The following ADAMTS7 variants were observed in gnomAD, a reference collection of about 807,000 sequenced individuals.
ADAMTS7 encodes ADAM metallopeptidase with thrombospondin type 1 motif 7.
Under a neutral mutation model 172.6 loss-of-function variants are expected in ADAMTS7, and 89 were observed. That is an observed-to-expected ratio of 0.52 (90% CI 0.43 to 0.61). The LOEUF (loss-of-function observed/expected upper bound fraction) is 0.61, where lower values mean the gene tolerates loss of function less well. Among genes scored for constraint, ADAMTS7 ranks in the 20% least tolerant of loss-of-function variants. ADAMTS7 has a pLI of 0.00. For synonymous variants in ADAMTS7, 885 were observed against 978.4 expected, an observed-to-expected ratio of 0.90 and a Z score of 1.78; for missense variants, 1,973 against 2,355.6, an observed-to-expected ratio of 0.84 and a Z score of 3.36.
At chr15:78,805,986 G>A (rs2055782250) in intron 1 of ADAMTS7, among the ~76,000 whole-genome samples, 1 of 151,368 alleles carries the variant, frequency 6.6e-6, no homozygotes. Context: ...AGGCTGAGGT[G>A]GGAGGATTAC....
chr15:78,763,952 T>G lies in ADAMTS7; in HGVS notation c.4567A>C (p.Ser1523Arg). The G allele has an allele frequency of 6.5e-7, 1 of 1,547,260 alleles. No individual in the cohort carries two copies. ...TCCCTCCAGGAAGATGTGTACCAGC[T>G]GAGGCAGGGCTGGGCCCCGCAGGGC... ...HRPCGAQPCL[S>R]WYTSSWRECS... Residue 1523 changes from serine to arginine, a missense_variant, in exon 21 of 24, where the codon AGC becomes CGC. This residue lies in a region of ADAMTS7 where 218 missense variants were observed against 216.9 expected (regional missense o/e 1.01). Transcript: ENST00000388820.
intron 14 of ADAMTS7, among the ~76,000 whole-genome samples, chr15:78,772,039 T>C (rs1034919630): frequency 3.3e-5 from 5 of 151,856 alleles, no homozygotes; most frequent in Admixed American, 1.3e-4. Context: ...GCCCCATCAC[T>C]CCTCTCTTGG....
intron 10 of ADAMTS7, 61 bp downstream of exon 10, chr15:78,776,688 G>A: frequency 6.8e-7 from 1 of 1,470,962 alleles, no homozygotes; most frequent in South Asian, 1.2e-5. Context: ...CCCAGGGCCT[G>A]GTCACAGCAG....
intron 3 of ADAMTS7, among the ~76,000 whole-genome samples, chr15:78,797,478 G>A (rs1455619112): frequency 6.6e-6 from 1 of 152,236 alleles, no homozygotes; most frequent in Non-Finnish European, 1.5e-5. Context: ...CTGCTGCTCT[G>A]CAGAGGAGGC....
intron 4 of ADAMTS7, among the ~76,000 whole-genome samples, chr15:78,793,414 C>T (rs1327671027): frequency 6.6e-6 from 1 of 151,514 alleles, no homozygotes; most frequent in Non-Finnish European, 1.5e-5. Flanking sequence ...AGTGCAGTTG[C>T]ATGATCTCGG....
At position 78,796,762 on chromosome 15, in the gene ADAMTS7, C is replaced by T. The variant is rs756623046; in HGVS notation, c.647G>A (p.Arg216Gln). 1.1e-5 allele frequency: 17 copies of T among 1,611,354 alleles called. No homozygotes were observed. The highest frequency in any genetic ancestry group is 6.7e-5 in the African/African-American group (5 of 74,946). Residue 216 changes from arginine (R) to glutamine (Q), a missense_variant, in exon 4 of 24, where the codon CGG becomes CAG. Transcript: ENST00000388820. ...VQVYPELESR[R>Q]ERWEQRQQWR... Reference sequence around the variant, plus strand: ...CTGCTGCCGCTGCTCCCAACGCTCCCGTCGAGACTCCAGCTCTGGGTACAC... The same window carrying T: ...CTGCTGCCGCTGCTCCCAACGCTCCTGTCGAGACTCCAGCTCTGGGTACAC...
At chr15:78,779,450 C>T (rs866550405) in intron 8 of ADAMTS7, among the ~76,000 whole-genome samples, 3 of 152,182 alleles carry the variant, frequency 2.0e-5, no homozygotes, top group South Asian at 2.1e-4. Flanking sequence ...TGTCTACTCA[C>T]TGGGCTACCC....
rs1179009970 is a variant in ADAMTS7, at chr15:78,766,246, T to A, written c.3665A>T (p.Glu1222Val). 1 of 1,611,724 alleles carries A rather than the reference T, an allele frequency of 6.2e-7. No homozygotes were observed. Among genetic ancestry groups the A allele is most frequent in the Non-Finnish European group, 8.5e-7 (1 of 1,179,762 alleles). ...GGGTGCTCCTCGGCCCTTGGGTTCC[T>A]CATCATCCTTGAAAACCTCATTGGT... ...DRTNEVFKDDEEPKGRGAPHL... is the reference protein window; with the variant it reads ...DRTNEVFKDDVEPKGRGAPHL... Residue 1222 changes from glutamate to valine, a missense_variant, in exon 19 of 24, where the codon GAG becomes GTG. Glu to Val is a moderately radical substitution (Grantham distance 121). Coordinates refer to ENST00000388820, the MANE Select transcript of ADAMTS7 (RefSeq NM_014272.5).
chr15:78,767,650 A>C, intron 17 of ADAMTS7, 58 bp from the exon 18 acceptor site: 8 of 1,457,924 alleles, frequency 5.5e-6, no homozygotes, highest in South Asian at 1.4e-5. Flanking sequence ...CTGCAGGCTC[A>C]CCAGCAGGGG....
chr15:78,777,913 A>T (rs549955283), intron 8 of ADAMTS7, among the ~76,000 whole-genome samples: 110 of 152,076 alleles, frequency 7.2e-4, no homozygotes, highest in Non-Finnish European at 1.3e-3. Context: ...CTGCTCTCCG[A>T]CCCTGCAGCC....
At chr15:78,760,364 C>T (rs1218367626) in intron 23 of ADAMTS7, among the ~76,000 whole-genome samples, 23 of 152,256 alleles carry the variant, frequency 1.5e-4, no homozygotes, top group Middle Eastern at 6.8e-3. Context: ...AGCTGCCACC[C>T]GGGCCCTGCT....
In ADAMTS7 at chr15:78,764,076, A is replaced by T; in HGVS notation, c.4443T>A (p.Gly1481=). 6.5e-7 allele frequency: 1 copy of T among 1,528,068 alleles called. No homozygotes were observed. 94.7% of individuals were successfully genotyped at this position (1,528,068 alleles called of 1,614,324 possible). A position where few individuals can be genotyped will look rare whatever the true frequency, so the allele number is the denominator to read the frequency against. Reference sequence around the variant, plus strand: ...CACACTGCACGTCCCGCACTGAGGAACCTCCGCCGCAGCTGCGGGAGCACT... The same window carrying T: ...CACACTGCACGTCCCGCACTGAGGATCCTCCGCCGCAGCTGCGGGAGCACT... ...WSKCSRSCGG[G]SSVRDVQCVD... is the part of the protein sequence containing the mutation. The change falls in exon 21 of 24, where the codon GGT becomes GGA. Residue 1481 remains glycine, a synonymous_variant. Coordinates refer to ENST00000388820, the MANE Select transcript of ADAMTS7 (RefSeq NM_014272.5).
At chr15:78,786,322 C>T (rs1029273510) in intron 8 of ADAMTS7, among the ~76,000 whole-genome samples, 2 of 152,144 alleles carry the variant, frequency 1.3e-5, no homozygotes, top group African/African-American at 4.8e-5. Context: ...TCCTTGCTGC[C>T]CCATTTGCAT....
chr15:78,787,500 C>G (rs376439445), intron 8 of ADAMTS7, among the ~76,000 whole-genome samples: 5 of 152,186 alleles, frequency 3.3e-5, no homozygotes, highest in African/African-American at 1.2e-4. Flanking sequence ...CTCGTCTCTA[C>G]TAAAAATACA....
At chr15:78,806,086 C>CA (rs2055784335) in intron 1 of ADAMTS7, among the ~76,000 whole-genome samples, 1 of 100,484 alleles carries the variant, frequency 1.0e-5, no homozygotes, top group Non-Finnish European at 1.9e-5. Flanking sequence ...ACTCCCCCCC[C>CA]CAAAAACACA....
At chr15:78,769,871 C>A (rs1339481543) in intron 16 of ADAMTS7, among the ~76,000 whole-genome samples, 1 of 152,198 alleles carries the variant, frequency 6.6e-6, no homozygotes. Flanking sequence ...ATTAAAGACA[C>A]CTGTATTAGG....
At chr15:78,797,900 G>T in intron 3 of ADAMTS7, 48 bp downstream of exon 3, 1 of 1,563,750 alleles carries the variant, frequency 6.4e-7, no homozygotes. Flanking sequence ...GCCCCTTCAT[G>T]TCCCCAGGCC....
chr15:78,806,764 G>A (rs1001961930), intron 1 of ADAMTS7, among the ~76,000 whole-genome samples: 4 of 152,016 alleles, frequency 2.6e-5, no homozygotes, highest in Non-Finnish European at 5.9e-5. Flanking sequence ...GTTTTGTTTT[G>A]TTTATGTTTT....
rs1366012539 is a variant in ADAMTS7 at position 78,777,556 on chromosome 15, G to A, written c.1355C>T (p.Pro452Leu). ...RGWGLCLDDP[P>L]AKDIIDFPSV... ...GGGGAAGTCGATAATGTCCTTGGCA[G>A]GAGGGTCGTCCAGGCACAGGCCCCA... The change falls in exon 9 of 24, where the codon CCT becomes CTT. Residue 452 changes from proline to leucine, a missense_variant. By Grantham distance (98) the Pro-to-Leu change is moderately conservative. Coordinates refer to ENST00000388820, the MANE Select transcript of ADAMTS7 (RefSeq NM_014272.5). 1.2e-6 allele frequency: 2 copies of A among 1,607,980 alleles called. No individual in the cohort carries two copies. Among genetic ancestry groups the A allele is most frequent in the Non-Finnish European group, 1.7e-6 (2 of 1,177,474 alleles).
Sources: gnomAD v4.1 joint callset for allele counts (sites outside exome capture counted in the v4.1 genomes callset) on GRCh38, gnomAD v4.1.1 for gene constraint, gnomAD v4.1.1 regional missense constraint, MANE v1.5 for transcripts, NCBI Gene and HGNC (gene_info 2026-07-23, HGNC 2026-07-21) for gene names.